The following DCHS2 variants were observed in gnomAD, a reference collection of about 807,000 sequenced individuals.
The protein encoded by DCHS2 is protocadherin-23.
DCHS2 carries 142 observed loss-of-function variants against 182.4 expected under a neutral mutation model. That is an observed-to-expected ratio of 0.78 (90% CI 0.68 to 0.89). The LOEUF is 0.89. Among genes scored for constraint, DCHS2 ranks in the 40% least tolerant of loss-of-function variants. The pLI is 0.00. For missense variants in DCHS2, 4,319 were observed against 4,198.6 expected (o/e 1.03, Z -0.79); for synonymous variants, 1,740 against 1,663.3 (o/e 1.05, Z -1.12).
At chr4:154,434,831 T>G (rs768042563) in intron 1 of DCHS2, among the ~76,000 whole-genome samples, 1 of 152,188 alleles carries the variant, frequency 6.6e-6, no homozygotes, top group Non-Finnish European at 1.5e-5. Flanking sequence ...GAGAAAAATG[T>G]AGGACAAACC....
At chr4:154,424,024 T>C (rs1249436689) in intron 1 of DCHS2, among the ~76,000 whole-genome samples, 2 of 152,244 alleles carry the variant, frequency 1.3e-5, no homozygotes, top group Admixed American at 6.5e-5. Flanking sequence ...TGATAAATTA[T>C]TGTACTTACA....
At chr4:154,299,273 G>C (rs1735104416) in intron 12 of DCHS2, among the ~76,000 whole-genome samples, 2 of 152,130 alleles carry the variant, frequency 1.3e-5, no homozygotes, top group Admixed American at 6.5e-5. Flanking sequence ...TTTGGTTAGA[G>C]TTAGTTGGAC....
chr4:154,380,227 C>T (rs1731109730), intron 1 of DCHS2, among the ~76,000 whole-genome samples: 1 of 152,092 alleles, frequency 6.6e-6, no homozygotes, highest in South Asian at 2.1e-4. Context: ...TCTTTTCTCT[C>T]ATCTATCTCA....
intron 1 of DCHS2, among the ~76,000 whole-genome samples, chr4:154,455,771 T>C (rs1734737934): frequency 6.6e-6 from 1 of 152,190 alleles, no homozygotes. Context: ...AAGATTACCA[T>C]GCTATAGGAT....
intron 1 of DCHS2, among the ~76,000 whole-genome samples, chr4:154,435,936 A>G (rs1733760957): frequency 1.3e-5 from 2 of 152,218 alleles, no homozygotes; most frequent in Admixed American, 1.3e-4. Context: ...AAAGTAGGAT[A>G]GCTAAGTGTT....
At chr4:154,375,868 A>G (rs1204906187) in intron 2 of DCHS2, among the ~76,000 whole-genome samples, 1 of 152,216 alleles carries the variant, frequency 6.6e-6, no homozygotes, top group Non-Finnish European at 1.5e-5. Context: ...ATTATTGTAT[A>G]TTCACATAAA....
intron 1 of DCHS2, 55 bp downstream of exon 1, chr4:154,489,249 C>T: frequency 7.2e-7 from 1 of 1,381,196 alleles, no homozygotes; most frequent in Non-Finnish European, 9.7e-7. Context: ...CAACTCACAA[C>T]CCTCTCCATC....
chr4:154,362,438 C>T (rs1329089089), intron 3 of DCHS2, among the ~76,000 whole-genome samples: 1 of 152,124 alleles, frequency 6.6e-6, no homozygotes, highest in Non-Finnish European at 1.5e-5. Flanking sequence ...GTTATTTATT[C>T]ATTTATTCCA....
intron 1 of DCHS2, among the ~76,000 whole-genome samples, chr4:154,400,833 C>G (rs1322844208): frequency 6.6e-6 from 1 of 152,196 alleles, no homozygotes; most frequent in Non-Finnish European, 1.5e-5. Flanking sequence ...CCACCTACTC[C>G]ATGCTCCCAA....
chr4:154,316,231 T>G (rs1355644820), intron 9 of DCHS2, among the ~76,000 whole-genome samples: 1 of 152,190 alleles, frequency 6.6e-6, no homozygotes, highest in Non-Finnish European at 1.5e-5. Context: ...ATAATCAATG[T>G]TATGCAATTA....
chr4:154,371,566 A>G (rs993987300), intron 2 of DCHS2, among the ~76,000 whole-genome samples: 1 of 152,150 alleles, frequency 6.6e-6, no homozygotes, highest in Non-Finnish European at 1.5e-5. Flanking sequence ...GTATTAGTCC[A>G]TTCTCACATT....
At chr4:154,464,058 T>A (rs1237885805) in intron 1 of DCHS2, among the ~76,000 whole-genome samples, 1 of 152,142 alleles carries the variant, frequency 6.6e-6, no homozygotes, top group African/African-American at 2.4e-5. Flanking sequence ...ACGTCAGAAT[T>A]AACACCTTAA....
chr4:154,326,090 T>C (rs1241729713), intron 7 of DCHS2, among the ~76,000 whole-genome samples: 1 of 152,374 alleles, frequency 6.6e-6, no homozygotes, highest in East Asian at 1.9e-4. Context: ...TCTGCACATA[T>C]AGAGTTCCTC....
At chr4:154,283,124 C>T (rs114494793) in intron 13 of DCHS2, among the ~76,000 whole-genome samples, 5,745 of 152,084 alleles carry the variant, frequency 0.038, 145 homozygotes, top group Non-Finnish European at 0.058. Flanking sequence ...TTAACACTGT[C>T]GTAGACTTAG....
At chr4:154,488,924 G>C (rs1441347882) in intron 1 of DCHS2, among the ~76,000 whole-genome samples, 1 of 97,584 alleles carries the variant, frequency 1.0e-5, no homozygotes, top group African/African-American at 3.0e-5. Context: ...GTGTGTGTGT[G>C]TGTGTGTGTA....
chr4:154,287,541 T>C (rs973953649), intron 13 of DCHS2, among the ~76,000 whole-genome samples: 2 of 152,148 alleles, frequency 1.3e-5, no homozygotes, highest in Admixed American at 1.3e-4. Flanking sequence ...AGTGCAGTGG[T>C]ATGATCTTGG....
chr4:154,455,691 T>A (rs1433341646), intron 1 of DCHS2, among the ~76,000 whole-genome samples: 1 of 152,228 alleles, frequency 6.6e-6, no homozygotes, highest in African/African-American at 2.4e-5. Flanking sequence ...ATGCAGCAAT[T>A]TTCTTTCGCT....
intron 2 of DCHS2, among the ~76,000 whole-genome samples, chr4:154,370,241 T>A (rs1231836978): frequency 1.3e-5 from 2 of 151,998 alleles, no homozygotes; most frequent in Non-Finnish European, 1.5e-5. Flanking sequence ...ATTGAGAGGA[T>A]GAATCAGATA....
intron 1 of DCHS2, among the ~76,000 whole-genome samples, chr4:154,431,102 A>T (rs1400406573): frequency 1.3e-5 from 2 of 152,184 alleles, no homozygotes; most frequent in South Asian, 2.1e-4. Flanking sequence ...TACCCAAAAA[A>T]ATCTGCTGAG....
Sources: allele counts gnomAD v4.1 joint callset (sites outside exome capture counted in the v4.1 genomes callset), GRCh38; gene constraint gnomAD v4.1.1; transcripts MANE v1.5; gene names NCBI Gene and HGNC (gene_info 2026-07-23, HGNC 2026-07-21).